Variants in RCAN1 observed in about 807,000 individuals in gnomAD.
RCAN1 encodes calcipressin-1.
A neutral mutation model predicts 22.9 loss-of-function variants in RCAN1; 11 were observed. That is an observed-to-expected ratio of 0.48 (90% confidence interval 0.30 to 0.79). The LOEUF is 0.79. RCAN1 is among the 30% of genes least tolerant of loss of function. RCAN1 has a pLI of 0.06. For missense variants in RCAN1, 291 were observed against 337.8 expected, an observed-to-expected ratio of 0.86 and a Z score of 1.09; for synonymous variants, 136 against 142.3, an observed-to-expected ratio of 0.96 and a Z score of 0.32.
intron 1 of RCAN1, among the ~76,000 whole-genome samples, chr21:34,573,241 C>T (rs1380651314): frequency 5.3e-5 from 8 of 151,966 alleles, no homozygotes; most frequent in Non-Finnish European, 2.9e-5. Context: ...CTTTTTTTCT[C>T]GGTTCTTCTT....
chr21:34,576,581 T>C (rs566235179), intron 1 of RCAN1, among the ~76,000 whole-genome samples: 1 of 152,234 alleles, frequency 6.6e-6, no homozygotes, highest in African/African-American at 2.4e-5. Flanking sequence ...AAAACGCAAA[T>C]CAGCCAGCAA....
chr21:34,613,749 G>C (rs1310325196), intron 1 of RCAN1: 2 of 1,480,586 alleles, frequency 1.4e-6, no homozygotes, highest in East Asian at 5.1e-5. Flanking sequence ...CTTTCAGAAA[G>C]TAAGTGAACA....
intron 1 of RCAN1, among the ~76,000 whole-genome samples, chr21:34,600,505 A>G (rs1446635161): frequency 6.6e-6 from 1 of 152,150 alleles, no homozygotes; most frequent in Non-Finnish European, 1.5e-5. Flanking sequence ...GGGGAAGGGG[A>G]AGATCAGGAG....
At chr21:34,548,481 T>A (rs1474645772) in intron 1 of RCAN1, among the ~76,000 whole-genome samples, 42 of 152,162 alleles carry the variant, frequency 2.8e-4, no homozygotes. Flanking sequence ...AAGTAGAGTT[T>A]TCAAAAGAGT....
chr21:34,561,735 G>A (rs1181158546), intron 1 of RCAN1, among the ~76,000 whole-genome samples: 1 of 152,210 alleles, frequency 6.6e-6, no homozygotes, highest in Non-Finnish European at 1.5e-5. Context: ...TCCATGCACA[G>A]TGTCAATGCT....
chr21:34,525,255 C>T, intron 1 of RCAN1: 1 of 1,550,690 alleles, frequency 6.4e-7, no homozygotes. Context: ...CGGTCCCTGC[C>T]AGGCAGGTCG....
chr21:34,552,341 G>C (rs1382125465), intron 1 of RCAN1, among the ~76,000 whole-genome samples: 1 of 152,190 alleles, frequency 6.6e-6, no homozygotes, highest in Non-Finnish European at 1.5e-5. Flanking sequence ...CCTGTACATA[G>C]TAAGGTCTGG....
intron 3 of RCAN1, 198 bp downstream of exon 3, chr21:34,521,301 T>C: frequency 6.8e-7 from 1 of 1,473,708 alleles, no homozygotes; most frequent in Non-Finnish European, 9.0e-7. Flanking sequence ...CCGCAGTCTC[T>C]CTAACACTGC....
chr21:34,581,686 G>A (rs1038510967), intron 1 of RCAN1, among the ~76,000 whole-genome samples: 5 of 152,124 alleles, frequency 3.3e-5, no homozygotes, highest in African/African-American at 9.7e-5. Context: ...TTGCCTACAG[G>A]CCCTAAAAAT....
At chr21:34,578,246 G>A (rs1397022604) in intron 1 of RCAN1, among the ~76,000 whole-genome samples, 15 of 152,162 alleles carry the variant, frequency 9.9e-5, no homozygotes, top group Admixed American at 9.8e-4. Flanking sequence ...CCCCTCACCT[G>A]CAAATATATA....
At chr21:34,542,755 C>T (rs536707595) in intron 1 of RCAN1, among the ~76,000 whole-genome samples, 9 of 152,152 alleles carry the variant, frequency 5.9e-5, no homozygotes, top group Non-Finnish European at 1.3e-4. Context: ...ACTCAGAAGG[C>T]GAGGTCACCT....
chr21:34,533,723 G>A, intron 1 of RCAN1, among the ~76,000 whole-genome samples: 1 of 152,230 alleles, frequency 6.6e-6, no homozygotes. Flanking sequence ...GGGCAACAGA[G>A]CAGCGCGGAG....
At chr21:34,565,101 T>C (rs1245344527) in intron 1 of RCAN1, among the ~76,000 whole-genome samples, 2 of 152,216 alleles carry the variant, frequency 1.3e-5, no homozygotes, top group East Asian at 1.9e-4. Context: ...GCCCAGCTAC[T>C]GGGGAAGATT....
chr21:34,548,102 C>A (rs999232627), intron 1 of RCAN1, among the ~76,000 whole-genome samples: 2 of 152,118 alleles, frequency 1.3e-5, no homozygotes, highest in Non-Finnish European at 2.9e-5. Flanking sequence ...AAATAAATTT[C>A]TATTGTTTAA....
At chr21:34,586,961 T>TA (rs111479564) in intron 1 of RCAN1, among the ~76,000 whole-genome samples, 1,447 of 137,802 alleles carry the variant, frequency 0.011, 13 homozygotes, top group African/African-American at 0.036. Context: ...TTTAAAAAAA[T>TA]AAAAAAAAAA....
At chr21:34,596,653 G>A (rs1988168231) in intron 1 of RCAN1, among the ~76,000 whole-genome samples, 1 of 152,210 alleles carries the variant, frequency 6.6e-6, no homozygotes, top group Non-Finnish European at 1.5e-5. Context: ...TCTTCTTTTA[G>A]AAGCACTGGA....
chr21:34,552,299 G>A (rs1439461507), intron 1 of RCAN1, among the ~76,000 whole-genome samples: 1 of 152,232 alleles, frequency 6.6e-6, no homozygotes, highest in African/African-American at 2.4e-5. Context: ...TACTCAAGGA[G>A]AATTTTCATT....
At chr21:34,537,829 TGTG>T in intron 1 of RCAN1, among the ~76,000 whole-genome samples, 1 of 88,672 alleles carries the variant, frequency 1.1e-5, no homozygotes, top group Non-Finnish European at 2.1e-5. Flanking sequence ...ATGGTAATTG[TGTG>T]TGTGTGTGTG....
At chr21:34,521,316 G>A (rs549551046) in intron 3 of RCAN1, 183 bp downstream of exon 3, 1 of 1,483,376 alleles carries the variant, frequency 6.7e-7, no homozygotes, top group Non-Finnish European at 8.9e-7. Context: ...CACTGCAGGT[G>A]GTGCCAAGAG....
Sources: gnomAD v4.1 joint callset for allele counts (sites outside exome capture counted in the v4.1 genomes callset) on GRCh38, gnomAD v4.1.1 for gene constraint, MANE v1.5 for transcripts, NCBI Gene and HGNC (gene_info 2026-07-23, HGNC 2026-07-21) for gene names.